The following P4HA3 variants were observed in gnomAD, a reference collection of about 807,000 sequenced individuals.
The protein encoded by P4HA3 is prolyl 4-hydroxylase subunit alpha 3.
In P4HA3, 60 loss-of-function variants were observed where a neutral mutation model predicts 66.7. The ratio of observed to expected loss-of-function variants is 0.90; its 90% CI spans 0.73 to 1.12. The LOEUF (loss-of-function observed/expected upper bound fraction) is 1.12. Ranked by LOEUF, P4HA3 falls within the 50% of genes most tolerant of loss-of-function variation. P4HA3 has a pLI of 0.00. For synonymous variants in P4HA3, 263 were observed against 274.6 expected (o/e 0.96, Z 0.42); for missense variants, 683 against 685.8 (o/e 1.00, Z 0.05).
chr11:74,308,313 G>C (rs1325437567), intron 1 of P4HA3, among the ~76,000 whole-genome samples: 1 of 152,116 alleles, frequency 6.6e-6, no homozygotes, highest in Non-Finnish European at 1.5e-5. Context: ...AGGAGTTCAA[G>C]ACCAGTCTGG....
intron 1 of P4HA3, among the ~76,000 whole-genome samples, chr11:74,306,928 C>T (rs1314814172): frequency 6.6e-6 from 1 of 152,134 alleles, no homozygotes; most frequent in African/African-American, 2.4e-5. Flanking sequence ...AACCAGCCTC[C>T]AGGGTGTGGG....
chr11:74,308,979 G>C (rs1861649859), intron 1 of P4HA3, among the ~76,000 whole-genome samples: 1 of 152,188 alleles, frequency 6.6e-6, no homozygotes, highest in Non-Finnish European at 1.5e-5. Context: ...GATTCAAATA[G>C]AGGTCTGTTA....
rs569575498 is a variant in P4HA3 at position 74,293,475 on chromosome 11, G to T, written c.718-4345C>A. ...AAGGTTAATATTGTTATGTGTGAAT[G>T]TGATCCTGTCATTATGACATTAGCT... is the stretch of plus-strand genomic sequence containing the variant. On this transcript the variant is annotated intron_variant, in intron 4 of 12. Transcript: ENST00000331597. Among the ~76,000 whole-genome samples, 5 of 152,302 alleles carry T rather than the reference G, an allele frequency of 3.3e-5. No individual in the cohort carries two copies. The East Asian group carries it at 5.8e-4, about 18-fold the overall frequency.
At chr11:74,251,778 T>G (rs1263106553) in intron 15 of P4HA3, 2 of 1,584,112 alleles carry the variant, frequency 1.3e-6, no homozygotes, top group Admixed American at 1.7e-5. Context: ...AGCAGACACT[T>G]GTAGGACTGT....
At chr11:74,290,058 C>T (rs1860956514) in intron 4 of P4HA3, among the ~76,000 whole-genome samples, 1 of 152,012 alleles carries the variant, frequency 6.6e-6, no homozygotes, top group South Asian at 2.1e-4. Context: ...ACAGTCCCAC[C>T]AACAGTGTAA....
chr11:74,268,598 G>A (rs553718995), intron 11 of P4HA3, among the ~76,000 whole-genome samples: 32 of 152,276 alleles, frequency 2.1e-4, no homozygotes, highest in African/African-American at 6.7e-4. Flanking sequence ...GAGAAACACC[G>A]AACAAAACCA....
chr11:74,281,452 T>C (rs1368023213), intron 7 of P4HA3, among the ~76,000 whole-genome samples: 2 of 152,240 alleles, frequency 1.3e-5, no homozygotes, highest in South Asian at 2.1e-4. Flanking sequence ...TTATTCACAA[T>C]AGCAAAGACT....
chr11:74,302,037 G>A (rs1417203416), intron 3 of P4HA3, among the ~76,000 whole-genome samples: 1 of 152,068 alleles, frequency 6.6e-6, no homozygotes, highest in Non-Finnish European at 1.5e-5. Flanking sequence ...ATTTTTCCTA[G>A]TTCATGTCTG....
chr11:74,265,922 A>C (rs1381332759), downstream of P4HA3, among the ~76,000 whole-genome samples: 1 of 152,258 alleles, frequency 6.6e-6, no homozygotes, highest in Admixed American at 6.5e-5. Context: ...ACAAATGAAC[A>C]AAGTCATTTC....
At chr11:74,278,108 T>G (rs765539131) in intron 8 of P4HA3, among the ~76,000 whole-genome samples, 10 of 152,136 alleles carry the variant, frequency 6.6e-5, no homozygotes, top group Non-Finnish European at 1.3e-4. Flanking sequence ...GAAACAGACT[T>G]TAAAGTGCTG....
At chr11:74,265,986 G>T (rs1284409876), downstream of P4HA3, among the ~76,000 whole-genome samples, 2 of 152,164 alleles carry the variant, frequency 1.3e-5, no homozygotes, top group African/African-American at 4.8e-5. Flanking sequence ...AAAGAAAGTG[G>T]CTGGGTGGTG....
intron 15 of P4HA3, chr11:74,251,956 C>T: frequency 2.8e-6 from 2 of 704,100 alleles, no homozygotes; most frequent in Non-Finnish European, 5.3e-6. Context: ...CCTAGTCTCA[C>T]TCCCCACTGT....
intron 15 of P4HA3, chr11:74,252,573 C>T (rs560070920): frequency 2.2e-6 from 1 of 454,098 alleles, no homozygotes; most frequent in South Asian, 1.6e-5. Context: ...TTTTCAACCT[C>T]AGCTTTATTG....
chr11:74,305,326 A>G (rs534744680), intron 1 of P4HA3, among the ~76,000 whole-genome samples: 7 of 152,268 alleles, frequency 4.6e-5, no homozygotes, highest in African/African-American at 1.7e-4. Flanking sequence ...TTGAGCTCCT[A>G]CCATGTATTG....
chr11:74,260,769 G>C (rs1181210450), intron 14 of P4HA3, among the ~76,000 whole-genome samples: 1 of 152,104 alleles, frequency 6.6e-6, no homozygotes, highest in Non-Finnish European at 1.5e-5. Flanking sequence ...AATAAGAGTT[G>C]GACAAATGTT....
intron 5 of P4HA3, 123 bp from the exon 6 acceptor site, chr11:74,286,514 A>C: frequency 1.2e-6 from 1 of 847,378 alleles, no homozygotes; most frequent in Non-Finnish European, 1.7e-6. Context: ...CTCCTGAATA[A>C]CTCCTCATGT....
intron 3 of P4HA3, among the ~76,000 whole-genome samples, chr11:74,301,046 G>T (rs949028241): frequency 1.3e-5 from 2 of 152,146 alleles, no homozygotes; most frequent in African/African-American, 4.8e-5. Context: ...TATGGTTCAG[G>T]ATCGCTGCTA....
intron 12 of P4HA3, 100 bp downstream of exon 12, chr11:74,268,045 C>T (rs1174135999): frequency 2.2e-5 from 22 of 997,100 alleles, no homozygotes; most frequent in South Asian, 2.0e-4. Flanking sequence ...TGTAATGAAG[C>T]GTTTGGAATG....
chr11:74,311,313 CAATG>C, intron 1 of P4HA3, 95 bp downstream of exon 1: 1 of 1,297,498 alleles, frequency 7.7e-7, no homozygotes, highest in Non-Finnish European at 1.0e-6. Flanking sequence ...CGCAGCATGA[CAATG>C]AGCCTGGGGT....
Sources: gnomAD v4.1 joint callset for allele counts (sites outside exome capture counted in the v4.1 genomes callset) on GRCh38, gnomAD v4.1.1 for gene constraint, MANE v1.5 for transcripts, NCBI Gene and HGNC (gene_info 2026-07-23, HGNC 2026-07-21) for gene names.